Variants in GAB1 observed in about 807,000 individuals in gnomAD.
The protein encoded by GAB1 is GRB2-associated-binding protein 1.
GAB1 carries 19 observed loss-of-function variants against 66.5 expected under a neutral mutation model. The observed-to-expected ratio is 0.29, with a 90% CI of 0.20 to 0.42. The LOEUF is 0.42. Among genes scored for constraint, GAB1 ranks in the 10% least tolerant of loss-of-function variants. GAB1 has a pLI of 1.00. For synonymous variants in GAB1, 294 were observed against 301.4 expected (o/e 0.98, Z 0.25); for missense variants, 732 against 858.5 (o/e 0.85, Z 1.84).
At chr4:143,415,978 T>A (rs1322646933) in intron 2 of GAB1, among the ~76,000 whole-genome samples, 1 of 152,218 alleles carries the variant, frequency 6.6e-6, no homozygotes, top group Non-Finnish European at 1.5e-5. Context: ...TTAGACATAT[T>A]GGGGCAGTTT....
chr4:143,352,663 T>C (rs952011807), intron 1 of GAB1, among the ~76,000 whole-genome samples: 8 of 152,216 alleles, frequency 5.3e-5, no homozygotes, highest in Non-Finnish European at 1.0e-4. Context: ...CTGCAGTTTC[T>C]AACTTGAACC....
chr4:143,356,979 T>C (rs1729470757), intron 1 of GAB1, among the ~76,000 whole-genome samples: 1 of 152,192 alleles, frequency 6.6e-6, no homozygotes, highest in Admixed American at 6.5e-5. Flanking sequence ...TCTACCACCT[T>C]TTTATATATC....
In GAB1 at chr4:143,473,327, G is replaced by A. The variant is rs913663428; in HGVS notation, c.*4138G>A. 1.3e-5 allele frequency: 2 copies of A among 152,138 alleles called. No homozygotes were observed. Among genetic ancestry groups the A allele is most frequent in the African/African-American group, 4.8e-5 (2 of 41,436 alleles). The allele number at this position is 152,138 out of a possible 1,614,324, so 9.4% of individuals were successfully genotyped here. On this transcript the variant is annotated 3_prime_UTR_variant, in exon 10 of 10. Transcript: ENST00000262994. Reference sequence around the variant, plus strand: ...TGGTTTCAAGACCTTAAATAGACAAGTTGGATACTAAGATTGTGAACTGAT... The same window carrying A: ...TGGTTTCAAGACCTTAAATAGACAAATTGGATACTAAGATTGTGAACTGAT...
At chr4:143,411,057 CAGAGCA>C (rs765100616) in intron 1 of GAB1, among the ~76,000 whole-genome samples, 44 of 152,112 alleles carry the variant, frequency 2.9e-4, no homozygotes, top group Non-Finnish European at 4.7e-4. Flanking sequence ...AGAGGCAGGA[CAGAGCA>C]GAGTGTTTGG....
chr4:143,433,577 G>C lies in GAB1; in HGVS notation c.454G>C (p.Asp152His), dbSNP rs544394556. The C allele has an allele frequency of 3.1e-6, 5 of 1,614,004 alleles. No individual in the cohort carries two copies. The African/African-American group carries it at 6.7e-5, about 22-fold the overall frequency. The part of the protein sequence containing the change: ...INTAPPSTQA[D>H]SSSATLPPPY... ...TACAGCACCACCATCCACCCAGGCA[G>C]ATTCATCCTCTGCTACTCTACCTCC... The change falls in exon 3 of 10, where the codon GAT becomes CAT. Residue 152 changes from aspartate (D) to histidine (H), a missense_variant. Physicochemically the swap from Asp to His is moderately conservative, Grantham distance 81 (BLOSUM62 -1). This residue lies in a region of GAB1 where 427 missense variants were observed against 420.6 expected (regional missense o/e 1.02). Coordinates refer to ENST00000262994, the MANE Select transcript of GAB1 (RefSeq NM_002039.4).
chr4:143,445,701 G>A (rs369912410), intron 6 of GAB1, among the ~76,000 whole-genome samples: 12 of 152,046 alleles, frequency 7.9e-5, no homozygotes, highest in Admixed American at 1.3e-4. Flanking sequence ...GGATTTTATC[G>A]AAAGCTTTTT....
At chr4:143,436,353 TG>T (rs1335630013) in intron 3 of GAB1, among the ~76,000 whole-genome samples, 3 of 152,142 alleles carry the variant, frequency 2.0e-5, no homozygotes, top group African/African-American at 2.4e-5. Flanking sequence ...AGTGGATTAG[TG>T]TGAGGCCTTA....
chr4:143,357,558 T>A (rs1729499654), intron 1 of GAB1, among the ~76,000 whole-genome samples: 1 of 152,112 alleles, frequency 6.6e-6, no homozygotes, highest in African/African-American at 2.4e-5. Flanking sequence ...CCTTGATTAT[T>A]TTTTTCCTGT....
chr4:143,349,312 A>AT, intron 1 of GAB1: 2 of 1,233,362 alleles, frequency 1.6e-6, no homozygotes, highest in South Asian at 2.7e-5. Flanking sequence ...AGTCCGCTGC[A>AT]TGGAGACTCT....
intron 1 of GAB1, chr4:143,349,938 C>G: frequency 6.3e-7 from 1 of 1,595,282 alleles, no homozygotes; most frequent in Non-Finnish European, 8.5e-7. Flanking sequence ...ACTTGATCTT[C>G]ATGTCCTTGA....
At chr4:143,355,874 A>G (rs1371117337) in intron 1 of GAB1, among the ~76,000 whole-genome samples, 2 of 152,104 alleles carry the variant, frequency 1.3e-5, no homozygotes, top group African/African-American at 4.8e-5. Flanking sequence ...TTTTAAGTTT[A>G]TGATACTGGA....
At chr4:143,376,235 T>C (rs1730411909) in intron 1 of GAB1, among the ~76,000 whole-genome samples, 1 of 152,104 alleles carries the variant, frequency 6.6e-6, no homozygotes, top group South Asian at 2.1e-4. Context: ...TGTTTAGGGC[T>C]TGTAGGGTTA....
At chr4:143,408,858 C>G (rs573693006) in intron 1 of GAB1, among the ~76,000 whole-genome samples, 27 of 152,274 alleles carry the variant, frequency 1.8e-4, no homozygotes, top group African/African-American at 6.5e-4. Context: ...ATAAAAAATT[C>G]CGCTCTACTT....
At chr4:143,381,487 C>T (rs1307060229) in intron 1 of GAB1, among the ~76,000 whole-genome samples, 3 of 152,110 alleles carry the variant, frequency 2.0e-5, no homozygotes, top group Admixed American at 6.5e-5. Context: ...AGCCAGTGTT[C>T]GGGTCTACTA....
intron 1 of GAB1, among the ~76,000 whole-genome samples, chr4:143,413,040 T>G (rs1732479002): frequency 6.6e-6 from 1 of 152,206 alleles, no homozygotes; most frequent in Non-Finnish European, 1.5e-5. Context: ...GGATTATGTT[T>G]GGTGAAGTAT....
chr4:143,468,557 T>C (rs991567089), intron 9 of GAB1, among the ~76,000 whole-genome samples: 1 of 151,834 alleles, frequency 6.6e-6, no homozygotes, highest in Non-Finnish European at 1.5e-5. Flanking sequence ...GCAAAAATAG[T>C]ATATAGTTAG....
chr4:143,409,821 A>G (rs1732271734), intron 1 of GAB1, among the ~76,000 whole-genome samples: 1 of 152,198 alleles, frequency 6.6e-6, no homozygotes. Context: ...ATATTAATAT[A>G]AGAAGATGAA....
intron 1 of GAB1, among the ~76,000 whole-genome samples, chr4:143,394,565 A>T (rs1440446780): frequency 6.6e-6 from 1 of 152,258 alleles, no homozygotes; most frequent in Non-Finnish European, 1.5e-5. Flanking sequence ...CAAAAGCATC[A>T]TATTTTGTAT....
At chr4:143,381,295 A>C (rs1295490993) in intron 1 of GAB1, among the ~76,000 whole-genome samples, 1 of 152,190 alleles carries the variant, frequency 6.6e-6, no homozygotes, top group East Asian at 1.9e-4. Flanking sequence ...ATTCAATGCA[A>C]GTTAGCTTTT....
Sources: gnomAD v4.1 joint callset for allele counts (sites outside exome capture counted in the v4.1 genomes callset) on GRCh38, gnomAD v4.1.1 for gene constraint, gnomAD v4.1.1 regional missense constraint, MANE v1.5 for transcripts, NCBI Gene and HGNC (gene_info 2026-07-23, HGNC 2026-07-21) for gene names.